Variants in NAV3 observed in about 807,000 individuals in gnomAD.
NAV3 encodes the protein neuron navigator 3, also known as pore membrane and/or filament interacting like protein 1.
Under a neutral mutation model 244.7 loss-of-function variants are expected in NAV3, and 87 were observed. That is an observed-to-expected ratio of 0.36 (90% CI 0.30 to 0.42). The LOEUF (loss-of-function observed/expected upper bound fraction) is 0.42. Among genes scored for constraint, NAV3 ranks in the 20% least tolerant of loss-of-function variants. The probability of loss-of-function intolerance (pLI) is 1.00; values close to 1 mark genes in which losing one functional copy is unlikely to be tolerated. For synonymous variants in NAV3, 1,126 were observed against 1,042.2 expected (o/e 1.08, Z -1.55); for missense variants, 2,663 against 2,893.3 (o/e 0.92, Z 1.83).
At chr12:78,209,672 T>A (rs1960700247) in intron 39 of NAV3, among the ~76,000 whole-genome samples, 3 of 152,190 alleles carry the variant, frequency 2.0e-5, no homozygotes, top group Non-Finnish European at 1.5e-5. Context: ...GGTGCTTTCA[T>A]GCATATGTCC....
rs188858156 is a variant in NAV3 at position 77,807,657 on chromosome 12, G to C, written c.73-132662G>C. Among the ~76,000 whole-genome samples, 4 of 152,144 alleles carry C rather than the reference G, an allele frequency of 2.6e-5. No homozygotes were observed. The East Asian group carries it at 7.7e-4, about 29-fold the overall frequency. The stretch of plus-strand genomic sequence containing the variant: ...GATGAATCTGACGATTACGTGCCTT[G>C]GTGTTGCTCTTCTTCAGGAGTATCT... On this transcript the variant is annotated intron_variant, in intron 2 of 8. Coordinates refer to the NAV3 transcript ENST00000550042.
At chr12:78,138,381 C>T (rs1956464390) in intron 19 of NAV3, among the ~76,000 whole-genome samples, 1 of 150,058 alleles carries the variant, frequency 6.7e-6, no homozygotes, top group South Asian at 2.1e-4. Flanking sequence ...TCCCTTCCTA[C>T]CTTCTTATTT....
rs74107149 is a variant in NAV3, at chr12:78,162,391, T to C, written c.4869+3105T>C. Among the ~76,000 whole-genome samples the C allele has an allele frequency of 2.4e-3, 369 of 152,168 alleles. 2 individuals are homozygous for C. The highest frequency in any genetic ancestry group is 8.1e-3 in the African/African-American group (336 of 41,522). ...CAAAACAGTACAGACAATATAGATA[T>C]AGAATGATAGATATAGGTCTATATC... On this transcript the variant is annotated intron_variant, in intron 23 of 39. Transcript: ENST00000397909.
intron 14 of NAV3, among the ~76,000 whole-genome samples, chr12:78,118,824 C>T (rs535366482): frequency 5.9e-5 from 9 of 152,038 alleles, no homozygotes; most frequent in South Asian, 2.1e-4. Context: ...AGACTCTCCC[C>T]GTATTTTTAA....
At chr12:77,933,129 GAAGTT>G (rs1303512764) in intron 1 of NAV3, among the ~76,000 whole-genome samples, 1 of 151,770 alleles carries the variant, frequency 6.6e-6, no homozygotes, top group Non-Finnish European at 1.5e-5. Context: ...CATTTTTTTT[GAAGTT>G]AAGTGGGAGC....
At chr12:77,642,933 A>G (rs1446352367) in intron 2 of NAV3, among the ~76,000 whole-genome samples, 1 of 152,046 alleles carries the variant, frequency 6.6e-6, no homozygotes, top group Non-Finnish European at 1.5e-5. Context: ...CTTTGACCCA[A>G]CAGGATAGGA....
intron 1 of NAV3, among the ~76,000 whole-genome samples, chr12:77,865,095 G>T (rs1198728472): frequency 6.6e-6 from 1 of 152,026 alleles, no homozygotes; most frequent in African/African-American, 2.4e-5. Context: ...GGCAATAAAT[G>T]AGGAATTCAG....
At chr12:78,074,094 G>C (rs1387847044) in intron 12 of NAV3, among the ~76,000 whole-genome samples, 1 of 152,218 alleles carries the variant, frequency 6.6e-6, no homozygotes, top group East Asian at 1.9e-4. Context: ...CAACACTGAA[G>C]AAGAATTGTA....
intron 2 of NAV3, among the ~76,000 whole-genome samples, chr12:77,719,858 G>A (rs536421038): frequency 1.6e-4 from 25 of 152,190 alleles, no homozygotes; most frequent in South Asian, 2.1e-4. Flanking sequence ...GAAAGAATTT[G>A]GGAAGAATTT....
intron 2 of NAV3, among the ~76,000 whole-genome samples, chr12:77,682,198 C>T (rs1298477358): frequency 6.6e-6 from 1 of 152,102 alleles, no homozygotes; most frequent in African/African-American, 2.4e-5. Context: ...ATTTTACTCT[C>T]TGTTTCTATA....
At chr12:78,130,605 A>G (rs1956120284) in intron 18 of NAV3, 1 of 162,728 alleles carries the variant, frequency 6.1e-6, no homozygotes, top group Admixed American at 6.1e-5. Flanking sequence ...AGAACTTTTT[A>G]TTATCATCCA....
intron 31 of NAV3, 62 bp from the exon 32 acceptor site, chr12:78,188,186 A>C (rs969975769): frequency 6.8e-5 from 83 of 1,226,736 alleles, no homozygotes; most frequent in Non-Finnish European, 9.7e-5. Flanking sequence ...TTTAGTAGAA[A>C]ATGTAGTAAT....
rs527588425 is a variant in NAV3 at position 77,831,371 on chromosome 12, G to C, written c.-91G>C. ...AGGATGACTGCTAGTTTTGTTTAAA[G>C]TATTTGTTCTGGAAATACTAAAGTT... is the stretch of plus-strand genomic sequence containing the variant. On this transcript the variant is annotated 5_prime_UTR_variant, in exon 1 of 40. Transcript: ENST00000397909. 7.4e-7 allele frequency: 1 copy of C among 1,352,766 alleles called. No homozygotes were observed. The highest frequency in any genetic ancestry group is 1.8e-5 in the South Asian group (1 of 55,518). 83.8% of individuals were successfully genotyped at this position (1,352,766 alleles called of 1,614,324 possible).
upstream of NAV3, among the ~76,000 whole-genome samples, chr12:77,826,469 G>T (rs1450612511): frequency 6.6e-6 from 1 of 152,074 alleles, no homozygotes; most frequent in Non-Finnish European, 1.5e-5. Context: ...TCCAGCCTGG[G>T]TGACAGAGCG....
At chr12:78,099,058 C>A (rs1489677728) in intron 12 of NAV3, among the ~76,000 whole-genome samples, 2 of 150,696 alleles carry the variant, frequency 1.3e-5, no homozygotes, top group Admixed American at 1.3e-4. Context: ...TTTCAAATGT[C>A]CAAAACCTGT....
chr12:77,701,551 T>A (rs945101721), intron 2 of NAV3, among the ~76,000 whole-genome samples: 3 of 152,002 alleles, frequency 2.0e-5, no homozygotes, highest in African/African-American at 7.2e-5. Flanking sequence ...GCTCATTCTT[T>A]TAGATTCTTA....
intron 22 of NAV3, among the ~76,000 whole-genome samples, chr12:78,150,508 GT>G (rs1055885673): frequency 1.1e-3 from 69 of 64,562 alleles, no homozygotes; most frequent in African/African-American, 9.2e-4. Context: ...TTTTGTTTTT[GT>G]TTTTTTTTCT....
At chr12:77,981,159 T>A (rs766945142) in intron 5 of NAV3, among the ~76,000 whole-genome samples, 15 of 152,194 alleles carry the variant, frequency 9.9e-5, no homozygotes, top group Non-Finnish European at 1.8e-4. Context: ...ATAACTGTTT[T>A]CAGTGAACTC....
intron 1 of NAV3, among the ~76,000 whole-genome samples, chr12:77,872,007 G>A (rs959691326): frequency 1.3e-5 from 2 of 152,130 alleles, no homozygotes; most frequent in African/African-American, 4.8e-5. Flanking sequence ...GTATCTAATT[G>A]TGGTTTTGAT....
Sources: allele counts gnomAD v4.1 joint callset (sites outside exome capture counted in the v4.1 genomes callset), GRCh38; gene constraint gnomAD v4.1.1; transcripts MANE v1.5; gene names NCBI Gene and HGNC (gene_info 2026-07-23, HGNC 2026-07-21).